KCNIP4: variants seen among roughly 807,000 people sequenced by gnomAD.
KCNIP4 encodes the protein potassium voltage-gated channel interacting protein 4.
In KCNIP4, 12 loss-of-function variants were observed where a neutral mutation model predicts 34.0. The observed-to-expected ratio is 0.35, with a 90% CI of 0.23 to 0.57. The LOEUF is 0.57. KCNIP4 is among the 20% of genes least tolerant of loss of function. The probability of loss-of-function intolerance (pLI) is 0.83; values close to 1 mark genes in which losing one functional copy is unlikely to be tolerated. For synonymous variants in KCNIP4, 124 were observed against 102.2 expected (o/e 1.21, Z -1.29); for missense variants, 238 against 311.7 (o/e 0.76, Z 1.78).
intron 1 of KCNIP4, among the ~76,000 whole-genome samples, chr4:20,945,592 AGT>A (rs1322530085): frequency 1.3e-5 from 2 of 152,010 alleles, no homozygotes; most frequent in African/African-American, 2.4e-5. Context: ...TACGTGTGTG[AGT>A]GTGTGTGTGA....
At chr4:21,733,793 A>T (rs937972645) in intron 1 of KCNIP4, among the ~76,000 whole-genome samples, 2 of 152,128 alleles carry the variant, frequency 1.3e-5, no homozygotes, top group African/African-American at 4.8e-5. Context: ...GACATAAAAA[A>T]ATTCTCCCAT....
At chr4:20,774,777 G>A (rs1419001153) in intron 3 of KCNIP4, among the ~76,000 whole-genome samples, 1 of 152,214 alleles carries the variant, frequency 6.6e-6, no homozygotes, top group East Asian at 1.9e-4. Context: ...ACAAAAACCT[G>A]TGATGTGATC....
chr4:21,273,161 T>C (rs902911562), intron 1 of KCNIP4, among the ~76,000 whole-genome samples: 1 of 152,160 alleles, frequency 6.6e-6, no homozygotes, highest in African/African-American at 2.4e-5. Flanking sequence ...CATATCCTTA[T>C]CAATTTGACC....
intron 1 of KCNIP4, among the ~76,000 whole-genome samples, chr4:21,089,178 G>C (rs112260104): frequency 6.6e-6 from 1 of 152,118 alleles, no homozygotes. Context: ...TTGGAGTAGG[G>C]GCCTGGTGGG....
chr4:21,642,050 G>A lies in KCNIP4; in HGVS notation c.61+306521C>T, dbSNP rs36097006. Reference sequence around the variant, plus strand: ...ATATTGATTTGCCTTTTCTGCACACGATGTTTCTGCCAACACTACCTACTA... The same window carrying A: ...ATATTGATTTGCCTTTTCTGCACACAATGTTTCTGCCAACACTACCTACTA... On this transcript the variant is annotated intron_variant, in intron 1 of 8. Transcript: ENST00000382152. 7.6e-3 allele frequency among the ~76,000 whole-genome samples: 1,159 copies of A among 152,146 alleles called. 82 individuals carry two copies. In the East Asian group the frequency reaches 0.18, roughly 23 times the overall value.
intron 1 of KCNIP4, among the ~76,000 whole-genome samples, chr4:21,084,441 G>A (rs1374450694): frequency 1.3e-5 from 2 of 149,400 alleles, no homozygotes; most frequent in African/African-American, 5.1e-5. Context: ...ACATTACGTG[G>A]GCTATGATTC....
chr4:21,626,479 A>C (rs534308403), intron 1 of KCNIP4, among the ~76,000 whole-genome samples: 1 of 152,068 alleles, frequency 6.6e-6, no homozygotes, highest in East Asian at 1.9e-4. Context: ...AAGAAGCTTC[A>C]GAATGAAACC....
chr4:21,328,943 C>T (rs1403605450), intron 1 of KCNIP4, among the ~76,000 whole-genome samples: 1 of 152,240 alleles, frequency 6.6e-6, no homozygotes, highest in Non-Finnish European at 1.5e-5. Flanking sequence ...GTAAATGCTG[C>T]TGGGCCATGA....
chr4:21,396,963 G>A (rs1232676989), intron 1 of KCNIP4, among the ~76,000 whole-genome samples: 1 of 152,166 alleles, frequency 6.6e-6, no homozygotes, highest in Non-Finnish European at 1.5e-5. Flanking sequence ...TCAGTTGGTG[G>A]AAATTTATTA....
intron 1 of KCNIP4, among the ~76,000 whole-genome samples, chr4:21,867,293 C>T (rs1725491150): frequency 6.6e-6 from 1 of 151,934 alleles, no homozygotes; most frequent in South Asian, 2.1e-4. Context: ...GTAAATCACC[C>T]AATGTAGAAG....
intron 1 of KCNIP4, among the ~76,000 whole-genome samples, chr4:21,827,672 C>CA (rs1028429283): frequency 8.6e-5 from 13 of 151,898 alleles, no homozygotes; most frequent in African/African-American, 2.9e-4. Context: ...AATCTTGCCA[C>CA]AAAAAATAAG....
chr4:21,446,478 A>G (rs2109727341), intron 1 of KCNIP4, among the ~76,000 whole-genome samples: 1 of 152,120 alleles, frequency 6.6e-6, no homozygotes, highest in South Asian at 2.1e-4. Flanking sequence ...CTTTGTAGGG[A>G]CATGGATGAA....
chr4:21,184,787 T>G (rs1466802365), intron 1 of KCNIP4, among the ~76,000 whole-genome samples: 1 of 152,154 alleles, frequency 6.6e-6, no homozygotes, highest in Non-Finnish European at 1.5e-5. Context: ...CAGTGGTGAT[T>G]CTTGGTGTTG....
At chr4:21,886,825 T>TC (rs397812145) in intron 1 of KCNIP4, among the ~76,000 whole-genome samples, 1 of 149,602 alleles carries the variant, frequency 6.7e-6, no homozygotes, top group Non-Finnish European at 1.5e-5. Context: ...AAGCTCTTCT[T>TC]TTTATTTTTC....
intron 1 of KCNIP4, among the ~76,000 whole-genome samples, chr4:21,277,076 A>G (rs1422020152): frequency 1.3e-5 from 2 of 152,222 alleles, no homozygotes; most frequent in African/African-American, 2.4e-5. Flanking sequence ...ACATATAGTT[A>G]AGCAACTAAA....
At chr4:21,662,453 A>G (rs1464275067) in intron 1 of KCNIP4, among the ~76,000 whole-genome samples, 1 of 152,236 alleles carries the variant, frequency 6.6e-6, no homozygotes, top group Non-Finnish European at 1.5e-5. Context: ...ATCTGCCTAC[A>G]AAGTGATTTG....
At chr4:21,167,467 C>T (rs1354815881) in intron 1 of KCNIP4, among the ~76,000 whole-genome samples, 1 of 152,150 alleles carries the variant, frequency 6.6e-6, no homozygotes, top group Admixed American at 6.5e-5. Flanking sequence ...ATCATTTAGT[C>T]AACCATTTGC....
At chr4:21,630,239 G>C (rs887314405) in intron 1 of KCNIP4, among the ~76,000 whole-genome samples, 2 of 151,636 alleles carry the variant, frequency 1.3e-5, no homozygotes, top group Non-Finnish European at 2.9e-5. Flanking sequence ...GGCCAAGGTG[G>C]GTGGATCACG....
chr4:21,806,263 T>C (rs1721286549), intron 1 of KCNIP4, among the ~76,000 whole-genome samples: 1 of 152,186 alleles, frequency 6.6e-6, no homozygotes, highest in Admixed American at 6.5e-5. Context: ...TCACAGGGTG[T>C]TATTCAGTAC....
Sources: allele counts gnomAD v4.1 joint callset (sites outside exome capture counted in the v4.1 genomes callset), GRCh38; gene constraint gnomAD v4.1.1; transcripts MANE v1.5; gene names NCBI Gene and HGNC (gene_info 2026-07-23, HGNC 2026-07-21).